Variants in LXN observed in about 807,000 individuals in gnomAD.
LXN encodes MUM.
A neutral mutation model predicts 29.8 loss-of-function variants in LXN; 28 were observed. The ratio of observed to expected loss-of-function variants is 0.94; its 90% CI spans 0.70 to 1.29. The LOEUF (loss-of-function observed/expected upper bound fraction) is 1.29, where lower values mean the gene tolerates loss of function less well. Ranked by LOEUF, LXN falls within the 50% of genes most tolerant of loss-of-function variation. The probability of loss-of-function intolerance (pLI) is 0.00; values close to 1 mark genes in which losing one functional copy is unlikely to be tolerated. For synonymous variants in LXN, 77 were observed against 89.6 expected, an observed-to-expected ratio of 0.86 and a Z score of 0.80; for missense variants, 227 against 261.7, an observed-to-expected ratio of 0.87 and a Z score of 0.92.
In LXN at chr3:158,666,573, A is replaced by G. The variant is rs569721422; in HGVS notation, c.*73T>C. The G allele has an allele frequency of 2.2e-6, 3 of 1,391,366 alleles. No individual in the cohort carries two copies. In the East Asian group the frequency reaches 6.9e-5, roughly 32 times the overall value. 86.2% of individuals were successfully genotyped at this position (1,391,366 alleles called of 1,614,324 possible). On this transcript the variant is annotated 3_prime_UTR_variant, in exon 6 of 6. Coordinates refer to ENST00000264265, the MANE Select transcript of LXN (RefSeq NM_020169.4). ...TGACACTTTGGGATTATTTGGCCTC[A>G]TAAGCTAGATGCCAGTGAAATTGGC...
At position 158,672,587 on chromosome 3, in the gene LXN, G is replaced by C; in HGVS notation, c.-109C>G. On this transcript the variant is annotated 5_prime_UTR_variant, in exon 1 of 6. Coordinates refer to ENST00000264265, the MANE Select transcript of LXN (RefSeq NM_020169.4). ...TGGGTCCGGTTGCCGAGGCGGAAAA[G>C]TCGCAAGCTCCTTCAGTCAGTCTTC... 1 of 1,364,950 alleles carries C rather than the reference G, an allele frequency of 7.3e-7. No homozygotes were observed. The highest frequency in any genetic ancestry group is 1.0e-6 in the Non-Finnish European group (1 of 984,738). 84.6% of individuals were successfully genotyped at this position (1,364,950 alleles called of 1,614,324 possible). A position where few individuals can be genotyped will look rare whatever the true frequency, so the allele number is the denominator to read the frequency against.
intron 5 of LXN, 89 bp downstream of exon 5, chr3:158,666,923 T>C (rs959028643): frequency 1.3e-6 from 2 of 1,526,282 alleles, no homozygotes; most frequent in African/African-American, 2.8e-5. Flanking sequence ...GAATTCTGAT[T>C]TAGAGTCAAA....
chr3:158,671,857 TCTTTGA>T (rs1724351648), intron 1 of LXN, among the ~76,000 whole-genome samples: 1 of 152,210 alleles, frequency 6.6e-6, no homozygotes, highest in Admixed American at 6.5e-5. Context: ...GTGCTTTTAT[TCTTTGA>T]CTTTGATTGT....
intron 4 of LXN, among the ~76,000 whole-genome samples, chr3:158,668,371 A>G (rs1376145062): frequency 6.6e-6 from 1 of 152,132 alleles, no homozygotes; most frequent in African/African-American, 2.4e-5. Flanking sequence ...TACAGATGCT[A>G]CCATCCATTT....
chr3:158,672,378 A>G lies in LXN; in HGVS notation c.101T>C (p.Val34Ala), dbSNP rs758088046. The G allele has an allele frequency of 1.9e-6, 3 of 1,613,894 alleles. No homozygotes were observed. The change falls in exon 1 of 6, where the codon GTG becomes GCG. Residue 34 changes from valine (V) to alanine (A), a missense_variant. Val to Ala is a moderately conservative substitution (Grantham distance 64). Coordinates refer to ENST00000264265, the MANE Select transcript of LXN (RefSeq NM_020169.4). ...QQGTPHRVFE[V>A]QKVKQASMED... The stretch of plus-strand genomic sequence containing the variant: ...CATGCTGGCTTGTTTGACCTTCTGC[A>G]CCTCAAACACCCTGTGCGGGGTCCC...
At chr3:158,668,917 C>A in intron 4 of LXN, 79 bp downstream of exon 4, 2 of 1,287,994 alleles carry the variant, frequency 1.6e-6, no homozygotes, top group Non-Finnish European at 2.2e-6. Flanking sequence ...TATAGGAATA[C>A]TGTTAATCCA....
intron 4 of LXN, among the ~76,000 whole-genome samples, chr3:158,667,912 G>A (rs996976460): frequency 3.9e-5 from 6 of 152,196 alleles, no homozygotes; most frequent in Non-Finnish European, 7.3e-5. Context: ...AAAACAGATA[G>A]TTTCAGTATG....
chr3:158,671,158 T>C (rs1041900194), intron 1 of LXN, 139 bp from the exon 2 acceptor site: 2 of 1,192,518 alleles, frequency 1.7e-6, no homozygotes, highest in South Asian at 2.9e-5. Context: ...GAAAAAGGCA[T>C]GTCACCATGA....
chr3:158,669,033 C>A lies in LXN; in HGVS notation c.470G>T (p.Trp157Leu). ...IIWQNSTEDT[W>L]YKMVKIQTVK... The stretch of plus-strand genomic sequence containing the variant: ...AGTTTGAATTTTTACCATTTTATAC[C>A]ATGTGTCTTCAGTAGAATTTTGCCA... Residue 157 changes from tryptophan (W) to leucine (L), a missense_variant, in exon 4 of 6, where the codon TGG (tryptophan) becomes TTG (leucine). By Grantham distance (61) the Trp-to-Leu change is moderately conservative (BLOSUM62 -2). Transcript: ENST00000264265. 3 of 1,613,204 alleles carry A rather than the reference C, an allele frequency of 1.9e-6. No homozygotes were observed. Among genetic ancestry groups the A allele is most frequent in the Non-Finnish European group, 2.5e-6 (3 of 1,179,566 alleles).
Position 158,666,701 on chromosome 3 carries a change from T to A in LXN, c.614A>T (p.Tyr205Phe). 1 of 1,614,046 alleles carries A rather than the reference T, an allele frequency of 6.2e-7. No individual in the cohort carries two copies. Among genetic ancestry groups the A allele is most frequent in the African/African-American group, 1.3e-5 (1 of 75,028 alleles). Residue 205 changes from tyrosine (Y) to phenylalanine (F), a missense_variant, in exon 6 of 6, where the codon TAC (tyrosine) becomes TTC (phenylalanine). Transcript: ENST00000264265. ...GCTATTATGTTTTACTTTAGTGCCG[T>A]ATTGTGGATGCCAGAGAACTTGCAT... ...WQMQVLWHPQ[Y>F]GTKVKHNSRL... is the part of the protein sequence containing the mutation.
At chr3:158,666,778 T>C in intron 5 of LXN, 34 bp from the exon 6 acceptor site, 1 of 1,580,412 alleles carries the variant, frequency 6.3e-7, no homozygotes, top group Non-Finnish European at 8.7e-7. Flanking sequence ...CATGATAAAA[T>C]TCAGAAAACA....
chr3:158,672,483 G>C lies in LXN; in HGVS notation c.-5C>G. On this transcript the variant is annotated 5_prime_UTR_variant, in exon 1 of 6. In the 5' UTR this introduces an upstream ATG that the reference lacks. Coordinates refer to ENST00000264265, the MANE Select transcript of LXN (RefSeq NM_020169.4). ...GTTGGTCGGCGGGATTTCCATTCCG[G>C]ATGAGCAGTGACTTCAGGGCTTGGG... 6.2e-7 allele frequency: 1 copy of C among 1,613,796 alleles called. No homozygotes were observed. Among genetic ancestry groups the C allele is most frequent in the Non-Finnish European group, 8.5e-7 (1 of 1,179,788 alleles).
chr3:158,668,583 A>G (rs1723948213), intron 4 of LXN, among the ~76,000 whole-genome samples: 1 of 152,246 alleles, frequency 6.6e-6, no homozygotes, highest in Non-Finnish European at 1.5e-5. Context: ...ATTAAGAGCT[A>G]TGATTACCGT....
intron 4 of LXN, among the ~76,000 whole-genome samples, chr3:158,668,753 G>A (rs1325334506): frequency 1.3e-5 from 2 of 152,282 alleles, no homozygotes; most frequent in South Asian, 2.1e-4. Flanking sequence ...AGGCAAAGGA[G>A]GCCTGTGGTT....
At position 158,666,467 on chromosome 3, in the gene LXN, T is replaced by G; in HGVS notation, c.*179A>C. On this transcript the variant is annotated 3_prime_UTR_variant, in exon 6 of 6. Coordinates refer to ENST00000264265, the MANE Select transcript of LXN (RefSeq NM_020169.4). ...GGATATACATACCACTATTACTGTT[T>G]TAAAGACATTTTTATGTAGTGATAC... 2 of 1,260,950 alleles carry G rather than the reference T, an allele frequency of 1.6e-6. No individual in the cohort carries two copies. Among genetic ancestry groups the G allele is most frequent in the Non-Finnish European group, 2.3e-6 (2 of 862,334 alleles). 78.1% of individuals were successfully genotyped at this position (1,260,950 alleles called of 1,614,324 possible).
chr3:158,670,345 A>G (rs1201355310), intron 2 of LXN, among the ~76,000 whole-genome samples: 1 of 152,216 alleles, frequency 6.6e-6, no homozygotes, highest in African/African-American at 2.4e-5. Context: ...CTAAAAACCC[A>G]GTGAAAAATA....
At chr3:158,672,278 C>A in intron 1 of LXN, 72 bp downstream of exon 1, 1 of 1,586,158 alleles carries the variant, frequency 6.3e-7, no homozygotes, top group Non-Finnish European at 8.6e-7. Flanking sequence ...CACCCAAAGG[C>A]TGAGACCGCG....
At chr3:158,671,127 A>C in intron 1 of LXN, 108 bp from the exon 2 acceptor site, 1 of 1,294,732 alleles carries the variant, frequency 7.7e-7, no homozygotes, top group Non-Finnish European at 1.0e-6. Flanking sequence ...CTGAAGGGGA[A>C]TGGTGAAAGC....
chr3:158,667,060 GTCA>G lies in LXN; in HGVS notation c.519_521del (p.Asp174del), dbSNP rs749914099. 1 of 1,589,340 alleles carries G rather than the reference GTCA, an allele frequency of 6.3e-7. No homozygotes were observed. Among genetic ancestry groups the G allele is most frequent in the East Asian group, 2.3e-5 (1 of 44,278 alleles). ...GAATGGTGTAGTCTAATTCAATAAA[GTCA>G]TCATTTCTTTGCTATGACAAAAAAT... On this transcript the variant is annotated inframe_deletion, in exon 5 of 6. Transcript: ENST00000264265.
Sources: gnomAD v4.1 joint callset for allele counts (sites outside exome capture counted in the v4.1 genomes callset) on GRCh38, gnomAD v4.1.1 for gene constraint, MANE v1.5 for transcripts, NCBI Gene and HGNC (gene_info 2026-07-23, HGNC 2026-07-21) for gene names.